The following FRY variants were observed in gnomAD, a reference collection of about 807,000 sequenced individuals.
FRY encodes the protein protein furry homolog.
Under a neutral mutation model 348.4 loss-of-function variants are expected in FRY, and 128 were observed. The ratio of observed to expected loss-of-function variants is 0.37; its 90% confidence interval spans 0.32 to 0.43. The LOEUF (loss-of-function observed/expected upper bound fraction) is 0.43, where lower values mean the gene tolerates loss of function less well. Ranked by LOEUF, FRY falls within the 20% of genes least tolerant of loss-of-function variation. The pLI, the probability that FRY is intolerant of heterozygous loss-of-function variation, is 1.00. For synonymous variants in FRY, 1,370 were observed against 1,374.7 expected, an observed-to-expected ratio of 1.00 and a Z score of 0.08; for missense variants, 2,736 against 3,695.2, an observed-to-expected ratio of 0.74 and a Z score of 6.73.
chr13:32,044,351 C>T (rs1872906144), intron 1 of FRY, among the ~76,000 whole-genome samples: 1 of 152,126 alleles, frequency 6.6e-6, no homozygotes, highest in Non-Finnish European at 1.5e-5. Flanking sequence ...TCCCTATTTA[C>T]AGCCTCCCTA....
At chr13:32,294,280 C>A in intron 59 of FRY, 88 bp from the exon 60 acceptor site, 1 of 867,304 alleles carries the variant, frequency 1.2e-6, no homozygotes, top group Non-Finnish European at 1.9e-6. Context: ...TGCTTAACCA[C>A]ACCCATAAGA....
rs1882546371 is a variant in FRY, at chr13:32,179,138, A to G, written c.2871+105A>G. 3 of 797,882 alleles carry G rather than the reference A, an allele frequency of 3.8e-6. No homozygotes were observed. The East Asian group carries it at 7.9e-5, about 21-fold the overall frequency. The allele number at this position is 797,882 out of a possible 1,614,324, so 49.4% of individuals were successfully genotyped here. A position where few individuals can be genotyped will look rare whatever the true frequency, so the allele number is the denominator to read the frequency against. ...CACTGTGCCTGCCATCTGGAGTATT[A>G]TGGGATCAGATTTTCATCCTACACA... is the stretch of plus-strand genomic sequence containing the variant. On this transcript the variant is annotated intron_variant, in intron 22 of 60. Transcript: ENST00000542859.
chr13:32,225,173 C>G, intron 38 of FRY, 137 bp downstream of exon 38: 1 of 703,908 alleles, frequency 1.4e-6, no homozygotes, highest in Non-Finnish European at 2.6e-6. Context: ...TTTCATTGCC[C>G]TTTTGTGACA....
chr13:32,231,865 T>A (rs1420385272), intron 41 of FRY, among the ~76,000 whole-genome samples: 1 of 152,234 alleles, frequency 6.6e-6, no homozygotes, highest in Non-Finnish European at 1.5e-5. Flanking sequence ...GAAACTTAAA[T>A]CCGGTTTCTC....
At chr13:32,057,813 A>C (rs768693693) in intron 1 of FRY, among the ~76,000 whole-genome samples, 14 of 152,170 alleles carry the variant, frequency 9.2e-5, no homozygotes, top group Non-Finnish European at 1.5e-4. Flanking sequence ...ACAAAAAATT[A>C]GCCGAGTGTG....
chr13:32,141,136 G>C (rs17507316), intron 11 of FRY, among the ~76,000 whole-genome samples: 107,266 of 151,952 alleles, frequency 0.71, 38,609 homozygotes, highest in East Asian at 0.9. Context: ...TAAACTGGAC[G>C]TAAAAATTAA....
chr13:32,276,191 T>C (rs1279812556), intron 56 of FRY, among the ~76,000 whole-genome samples: 1 of 152,170 alleles, frequency 6.6e-6, no homozygotes, highest in African/African-American at 2.4e-5. Context: ...CATATCTTAG[T>C]GTGGGCCTTT....
chr13:32,098,440 C>T (rs1414864710), intron 2 of FRY, among the ~76,000 whole-genome samples: 1 of 151,888 alleles, frequency 6.6e-6, no homozygotes, highest in Admixed American at 6.6e-5. Context: ...GGATGGTGCT[C>T]GGTGCCTCAC....
chr13:32,235,646 A>G (rs1566155682), intron 42 of FRY, among the ~76,000 whole-genome samples: 2 of 152,200 alleles, frequency 1.3e-5, no homozygotes, highest in Non-Finnish European at 2.9e-5. Flanking sequence ...ATGTTCCTGC[A>G]TCTGAGGAAG....
intron 34 of FRY, among the ~76,000 whole-genome samples, chr13:32,211,530 A>C (rs1884685744): frequency 1.3e-5 from 2 of 152,228 alleles, no homozygotes; most frequent in African/African-American, 4.8e-5. Flanking sequence ...GATGACTGAG[A>C]ATCTGTGGCT....
chr13:32,158,386 TTATCCTGCAGC>T (rs1262630401), intron 16 of FRY, among the ~76,000 whole-genome samples: 2 of 152,204 alleles, frequency 1.3e-5, no homozygotes, highest in African/African-American at 4.8e-5. Context: ...ACAATGCATA[TTATCCTGCAGC>T]TCACCAATTA....
chr13:32,124,115 G>A (rs1878874788), intron 4 of FRY, among the ~76,000 whole-genome samples, 171 bp from the exon 5 acceptor site: 1 of 152,190 alleles, frequency 6.6e-6, no homozygotes, highest in Non-Finnish European at 1.5e-5. Context: ...TGGGATTACA[G>A]GCATGAGCCA....
chr13:32,287,840 G>T (rs748316950), intron 58 of FRY: 2 of 1,336,196 alleles, frequency 1.5e-6, no homozygotes, highest in Non-Finnish European at 2.0e-6. Flanking sequence ...CCTTTCCTTT[G>T]TTTCCTGTGC....
intron 35 of FRY, among the ~76,000 whole-genome samples, chr13:32,216,270 C>T (rs1293187774): frequency 6.6e-6 from 1 of 152,114 alleles, no homozygotes; most frequent in Admixed American, 6.5e-5. Flanking sequence ...CCCAGAAAAG[C>T]AAAGGAAAAT....
intron 1 of FRY, among the ~76,000 whole-genome samples, chr13:32,047,436 A>C (rs572714153): frequency 6.6e-6 from 1 of 152,358 alleles, no homozygotes; most frequent in African/African-American, 2.4e-5. Context: ...AACCATCTAA[A>C]GATATCCAAG....
chr13:32,283,008 G>T (rs1427283794), intron 58 of FRY, among the ~76,000 whole-genome samples: 1 of 152,054 alleles, frequency 6.6e-6, no homozygotes, highest in Non-Finnish European at 1.5e-5. Context: ...GGGCACAGTG[G>T]TGGGTGCCTG....
chr13:32,151,630 C>A (rs930717485), intron 14 of FRY, among the ~76,000 whole-genome samples: 3 of 152,242 alleles, frequency 2.0e-5, no homozygotes, highest in Non-Finnish European at 4.4e-5. Context: ...CACCACTCAA[C>A]TCTTCAAAAT....
intron 44 of FRY, among the ~76,000 whole-genome samples, chr13:32,238,579 G>A (rs187137159): frequency 2.6e-5 from 4 of 152,272 alleles, no homozygotes; most frequent in Admixed American, 2.0e-4. Flanking sequence ...AGCCTCCGGA[G>A]TAGCTGGGAT....
intron 36 of FRY, among the ~76,000 whole-genome samples, chr13:32,220,383 G>T (rs1566143439): frequency 6.6e-6 from 1 of 152,194 alleles, no homozygotes; most frequent in Non-Finnish European, 1.5e-5. Context: ...TTAAGTTTCA[G>T]CTATGTCCCT....
Sources: allele counts gnomAD v4.1 joint callset (sites outside exome capture counted in the v4.1 genomes callset), GRCh38; gene constraint gnomAD v4.1.1; transcripts MANE v1.5; gene names NCBI Gene and HGNC (gene_info 2026-07-23, HGNC 2026-07-21).